DNAJC13: variants seen among roughly 807,000 people sequenced by gnomAD.
DNAJC13 encodes DnaJ heat shock protein family (Hsp40) member C13.
In DNAJC13, 75 loss-of-function variants were observed where a neutral mutation model predicts 290.5. The ratio of observed to expected loss-of-function variants is 0.26; its 90% CI spans 0.21 to 0.31. DNAJC13 has a LOEUF of 0.31. Among genes scored for constraint, DNAJC13 ranks in the 10% least tolerant of loss-of-function variants. The pLI is 1.00. For missense variants in DNAJC13, 2,260 were observed against 2,674.5 expected, an observed-to-expected ratio of 0.85 and a Z score of 3.42; for synonymous variants, 862 against 892.0, an observed-to-expected ratio of 0.97 and a Z score of 0.60.
chr3:132,424,156 A>T (rs1277768311), intron 1 of DNAJC13, among the ~76,000 whole-genome samples: 1 of 152,168 alleles, frequency 6.6e-6, no homozygotes, highest in Non-Finnish European at 1.5e-5. Flanking sequence ...AGCATTGCTT[A>T]AGTGAACATG....
chr3:132,459,330 G>A (rs369558195), intron 13 of DNAJC13, among the ~76,000 whole-genome samples: 2 of 152,312 alleles, frequency 1.3e-5, no homozygotes, highest in African/African-American at 4.8e-5. Context: ...AGTGAAAGAA[G>A]TCAGTCACAA....
intron 18 of DNAJC13, 96 bp downstream of exon 18, chr3:132,466,166 G>A (rs1378850797): frequency 7.1e-7 from 1 of 1,410,354 alleles, no homozygotes; most frequent in East Asian, 2.4e-5. Context: ...GTTTTTTATT[G>A]AAAAGTTATT....
At chr3:132,515,233 G>A (rs1038827973) in intron 46 of DNAJC13, among the ~76,000 whole-genome samples, 2 of 152,186 alleles carry the variant, frequency 1.3e-5, no homozygotes, top group Non-Finnish European at 2.9e-5. Context: ...TATTGAGTTT[G>A]TAGGCAATTA....
chr3:132,495,745 C>G (rs1204344953), intron 35 of DNAJC13, among the ~76,000 whole-genome samples: 1 of 151,992 alleles, frequency 6.6e-6, no homozygotes, highest in Non-Finnish European at 1.5e-5. Context: ...TCACTGGAAA[C>G]AGAACAGAGA....
chr3:132,471,590 C>T (rs1329196037), intron 20 of DNAJC13, among the ~76,000 whole-genome samples: 5 of 139,448 alleles, frequency 3.6e-5, no homozygotes, highest in Non-Finnish European at 6.3e-5. Context: ...GGCAGAGGCA[C>T]TCCTCACATC....
At chr3:132,470,892 T>C (rs1460357506) in intron 20 of DNAJC13, among the ~76,000 whole-genome samples, 9 of 116,796 alleles carry the variant, frequency 7.7e-5, no homozygotes, top group African/African-American at 2.9e-4. Context: ...GGCGGGGGGC[T>C]GACCCCCCCA....
At chr3:132,460,504 T>G (rs1268619515) in intron 14 of DNAJC13, 147 bp downstream of exon 14, 1 of 552,312 alleles carries the variant, frequency 1.8e-6, no homozygotes. Flanking sequence ...TGGTCACTGA[T>G]AATAAAATAT....
intron 55 of DNAJC13, among the ~76,000 whole-genome samples, chr3:132,531,832 T>C (rs1936425069): frequency 6.6e-6 from 1 of 151,536 alleles, no homozygotes; most frequent in South Asian, 2.1e-4. Flanking sequence ...AAGTTTCCAG[T>C]GATTTGTTTA....
At chr3:132,484,542 A>G in intron 28 of DNAJC13, 46 bp from the exon 29 acceptor site, 2 of 1,573,252 alleles carry the variant, frequency 1.3e-6, no homozygotes, top group Non-Finnish European at 1.7e-6. Context: ...GAACATACAA[A>G]TTTTAACAAA....
At chr3:132,518,348 G>T (rs1935985022) in intron 48 of DNAJC13, among the ~76,000 whole-genome samples, 1 of 152,192 alleles carries the variant, frequency 6.6e-6, no homozygotes, top group South Asian at 2.1e-4. Flanking sequence ...TAGAACCGGG[G>T]TCGGTAAATT....
In DNAJC13 at chr3:132,499,822, C is replaced by G. The variant is rs781456844; in HGVS notation, c.4416+14C>G. 6.2e-7 allele frequency: 1 copy of G among 1,611,028 alleles called. No individual in the cohort carries two copies. The highest frequency in any genetic ancestry group is 1.7e-5 in the Admixed American group (1 of 59,528). On this transcript the variant is annotated intron_variant, in intron 38 of 55. Transcript: ENST00000260818. ...ATGTCAGTACAGGTGAGGCTAAAAC[C>G]TGTGGTTCCAAGAAAATTGCACTAG...
intron 48 of DNAJC13, 70 bp downstream of exon 48, chr3:132,516,886 G>GTA: frequency 2.4e-6 from 3 of 1,245,582 alleles, no homozygotes; most frequent in Non-Finnish European, 3.4e-6. Flanking sequence ...CTGATTTCAA[G>GTA]AAGTTTACTG....
At chr3:132,492,328 G>T in intron 32 of DNAJC13, 86 bp from the exon 33 acceptor site, 1 of 1,326,728 alleles carries the variant, frequency 7.5e-7, no homozygotes, top group Non-Finnish European at 1.1e-6. Flanking sequence ...GATGATTCAT[G>T]TAACTATCTT....
rs779159060 is a variant in DNAJC13, at chr3:132,516,504, A to T, written c.5560+8A>T. The T allele has an allele frequency of 3.0e-5, 48 of 1,613,188 alleles. No homozygotes were observed. In the South Asian group the frequency reaches 5.3e-4, roughly 18 times the overall value. ...AAGAAGCAATGGCAAAGGGTAATGT[A>T]TAGAGTGCTTTCTTAGCTAGTCATG... On this transcript the variant is annotated splice_region_variant and intron_variant, in intron 47 of 55. Coordinates refer to ENST00000260818, the MANE Select transcript of DNAJC13 (RefSeq NM_015268.4).
At position 132,495,092 on chromosome 3, in the gene DNAJC13, G is replaced by A. The variant is rs56309931; in HGVS notation, c.3946G>A (p.Asp1316Asn). The A allele has an allele frequency of 6.2e-7, 1 of 1,612,968 alleles. No individual in the cohort carries two copies. Among genetic ancestry groups the A allele is most frequent in the East Asian group, 2.2e-5 (1 of 44,852 alleles). The change falls in exon 35 of 56, where the codon GAT (aspartate) becomes AAT (asparagine). Residue 1316 changes from aspartate (D) to asparagine (N), a missense_variant. Around this residue, in one of 3 missense-constraint regions of DNAJC13, gnomAD observed 1,494 missense variants for 1,693.7 expected, o/e 0.88. Coordinates refer to ENST00000260818, the MANE Select transcript of DNAJC13 (RefSeq NM_015268.4). ...AACAATTTTCCTGTTTAACAGGCAT[G>A]ATGAGAGCAAGATTAGGAAAGCTTA... Reference protein sequence around the residue: ...LNLPQGQGPHDESKIRKAYFR... With the variant: ...LNLPQGQGPHNESKIRKAYFR...
At position 132,490,986 on chromosome 3, in the gene DNAJC13, A is replaced by G; in HGVS notation, c.3558A>G (p.Glu1186=). 1 of 1,613,040 alleles carries G rather than the reference A, an allele frequency of 6.2e-7. No homozygotes were observed. The highest frequency in any genetic ancestry group is 8.5e-7 in the Non-Finnish European group (1 of 1,179,518). ...MVCYLENYEP[E]KFSEIFLGEF... ...GTTACTTAGAAAATTATGAACCTGA[A>G]AAGTTTTCTGAGATTTTTCTAGGAG... The change falls in exon 32 of 56, where the codon GAA becomes GAG. Residue 1186 remains glutamate (E), a synonymous_variant. Coordinates refer to ENST00000260818, the MANE Select transcript of DNAJC13 (RefSeq NM_015268.4).
rs1376513383 is a variant in DNAJC13, at chr3:132,434,531, C to G, written c.-13-7C>G. The G allele has an allele frequency of 6.2e-7, 1 of 1,600,504 alleles. No homozygotes were observed. The highest frequency in any genetic ancestry group is 1.7e-5 in the Admixed American group (1 of 58,472). On this transcript the variant is annotated splice_polypyrimidine_tract_variant and splice_region_variant and intron_variant, in intron 1 of 55. Coordinates refer to ENST00000260818, the MANE Select transcript of DNAJC13 (RefSeq NM_015268.4). ...GTACTAAGTGCCCTCATATTTTTAT[C>G]TTCCAGGTTTGAGCACAAAATGAAC...
intron 2 of DNAJC13, among the ~76,000 whole-genome samples, chr3:132,445,097 G>T (rs1933199832): frequency 6.6e-6 from 1 of 151,960 alleles, no homozygotes; most frequent in Non-Finnish European, 1.5e-5. Context: ...TGATCTTAAT[G>T]GGAATACTTT....
At chr3:132,454,628 C>A (rs1482554194) in intron 9 of DNAJC13, among the ~76,000 whole-genome samples, 2 of 152,094 alleles carry the variant, frequency 1.3e-5, no homozygotes, top group African/African-American at 2.4e-5. Context: ...GCATGAGCCA[C>A]CACACCTGGC....
Sources: allele counts gnomAD v4.1 joint callset (sites outside exome capture counted in the v4.1 genomes callset), GRCh38; gene constraint gnomAD v4.1.1; regional missense constraint gnomAD v4.1.1; transcripts MANE v1.5; gene names NCBI Gene and HGNC (gene_info 2026-07-23, HGNC 2026-07-21).